The following DHX8 variants were observed in gnomAD, a reference collection of about 807,000 sequenced individuals.
DHX8 encodes ATP-dependent RNA helicase DHX8.
A neutral mutation model predicts 140.7 loss-of-function variants in DHX8; 67 were observed. That is an observed-to-expected ratio of 0.48 (90% CI 0.39 to 0.58). The LOEUF is 0.58. Among genes scored for constraint, DHX8 ranks in the 20% least tolerant of loss-of-function variants. The pLI, the probability that DHX8 is intolerant of heterozygous loss-of-function variation, is 0.00. For synonymous variants in DHX8, 533 were observed against 553.2 expected (o/e 0.96, Z 0.51); for missense variants, 887 against 1,550.7 (o/e 0.57, Z 7.19).
Position 43,525,390 on chromosome 17 carries a change from A to G in DHX8, c.*1543A>G, listed in dbSNP as rs75040397. The G allele has an allele frequency of 2.4e-3, 2,340 of 981,778 alleles. 37 individuals are homozygous for G. The African/African-American group carries it at 0.038, about 16-fold the overall frequency. The allele number at this position is 981,778 out of a possible 1,614,324, so 60.8% of individuals were successfully genotyped here. On this transcript the variant is annotated 3_prime_UTR_variant, in exon 23 of 23. Coordinates refer to ENST00000262415, the MANE Select transcript of DHX8 (RefSeq NM_004941.3). ...GCAAACCACACCCTAAAGACAATTC[A>G]GAAAGAGTCCGAGGGAGAGGAATAT...
chr17:43,495,089 C>T (rs1968778316), intron 8 of DHX8, among the ~76,000 whole-genome samples: 1 of 152,064 alleles, frequency 6.6e-6, no homozygotes, highest in Non-Finnish European at 1.5e-5. Context: ...GCTGGGATTA[C>T]AGGCGTGAGC....
intron 15 of DHX8, 99 bp from the exon 16 acceptor site, chr17:43,508,240 A>C: frequency 6.8e-7 from 1 of 1,466,138 alleles, no homozygotes; most frequent in Non-Finnish European, 9.2e-7. Context: ...ATGAATGCAT[A>C]TGTTCTGTTA....
At chr17:43,540,758 C>T (rs1347441549) in intron 3 of DHX8, among the ~76,000 whole-genome samples, 1 of 152,160 alleles carries the variant, frequency 6.6e-6, no homozygotes, top group South Asian at 2.1e-4. Flanking sequence ...CCACTGTGCC[C>T]TCTGGTCCAT....
chr17:43,533,076 A>T, intron 2 of DHX8: 1 of 1,503,840 alleles, frequency 6.6e-7, no homozygotes, highest in Admixed American at 2.0e-5. Context: ...CTCCCTTTCT[A>T]TTCCACTGCC....
rs1157615874 is a variant in DHX8, at chr17:43,517,290, A to C, written c.2767A>C (p.Thr923Pro). 6.2e-7 allele frequency: 1 copy of C among 1,614,146 alleles called. No homozygotes were observed. The highest frequency in any genetic ancestry group is 1.1e-5 in the South Asian group (1 of 91,060). The change falls in exon 18 of 23, where the codon ACC becomes CCC. Residue 923 changes from threonine to proline, a missense_variant. Thr to Pro is a conservative substitution (Grantham distance 38). This residue lies in a region of DHX8 where 151 missense variants were observed against 388.3 expected (regional missense o/e 0.39). Coordinates refer to ENST00000262415, the MANE Select transcript of DHX8 (RefSeq NM_004941.3). ...CACCAACGTGCCGGAAATCCAGAGAACCAACTTAGCAAGCACAGTGCTGTC... is the reference window on the plus strand; with the variant it reads ...CACCAACGTGCCGGAAATCCAGAGACCCAACTTAGCAAGCACAGTGCTGTC... ...LTTNVPEIQRTNLASTVLSLK... is the reference protein window; with the variant it reads ...LTTNVPEIQRPNLASTVLSLK...
chr17:43,528,324 T>G (rs1479699692), downstream of DHX8: 2 of 529,776 alleles, frequency 3.8e-6, no homozygotes, highest in Non-Finnish European at 6.7e-6. Flanking sequence ...GACTCTAGAC[T>G]TGCCATTTCT....
chr17:43,530,093 G>A (rs776031033), downstream of DHX8: 100 of 1,604,080 alleles, frequency 6.2e-5, 1 homozygote, highest in South Asian at 9.5e-4. Context: ...GCAGGGGAAG[G>A]GGGGCTGCCT....
chr17:43,490,627 C>T (rs1968457181), intron 3 of DHX8, 164 bp downstream of exon 3: 2 of 614,846 alleles, frequency 3.3e-6, no homozygotes. Flanking sequence ...AATCCCAGCA[C>T]TTTGGGAGGC....
downstream of DHX8, chr17:43,529,233 C>T (rs749495997): frequency 5.0e-6 from 8 of 1,613,844 alleles, no homozygotes; most frequent in East Asian, 4.5e-5. Flanking sequence ...CAGAGCCTGG[C>T]GACCTGGGAA....
intron 3 of DHX8, among the ~76,000 whole-genome samples, chr17:43,540,255 C>G (rs149638430): frequency 4.6e-4 from 70 of 152,266 alleles, no homozygotes; most frequent in African/African-American, 1.7e-3. Flanking sequence ...GAATTCTACA[C>G]CAGCCTGGCC....
intron 11 of DHX8, 113 bp from the exon 12 acceptor site, chr17:43,504,531 G>T: frequency 1.0e-6 from 1 of 999,044 alleles, no homozygotes; most frequent in Non-Finnish European, 1.5e-6. Context: ...TTTGATCACG[G>T]GTCGCTGAAT....
chr17:43,503,199 A>G (rs1969297026), intron 11 of DHX8, among the ~76,000 whole-genome samples: 1 of 151,862 alleles, frequency 6.6e-6, no homozygotes, highest in Admixed American at 6.6e-5. Flanking sequence ...CCTGTCTCTA[A>G]AAAAATACAA....
At position 43,508,332 on chromosome 17, in the gene DHX8, C is replaced by T. The variant is rs773486750; in HGVS notation, c.2321-7C>T. The T allele has an allele frequency of 1.9e-6, 3 of 1,608,982 alleles. No homozygotes were observed. In the South Asian group the frequency reaches 3.3e-5, roughly 18 times the overall value. On this transcript the variant is annotated splice_region_variant and splice_polypyrimidine_tract_variant and intron_variant, in intron 15 of 22. Transcript: ENST00000262415. Reference sequence around the variant, plus strand: ...GAAAGTAGATGAATGTTCTATTCTGCTCGTAGGTGATATCCTGGTCTTCCT... The same window carrying T: ...GAAAGTAGATGAATGTTCTATTCTGTTCGTAGGTGATATCCTGGTCTTCCT...
At chr17:43,533,329 G>T (rs1429673426) in intron 2 of DHX8, 6 of 1,613,620 alleles carry the variant, frequency 3.7e-6, no homozygotes, top group Non-Finnish European at 2.5e-6. Flanking sequence ...ATGGCGATTT[G>T]TCTGGGGGGG....
chr17:43,493,052 T>C lies in DHX8; in HGVS notation c.863+12T>C. The C allele has an allele frequency of 1.2e-6, 2 of 1,607,006 alleles. No individual in the cohort carries two copies. The highest frequency in any genetic ancestry group is 1.7e-6 in the Non-Finnish European group (2 of 1,174,360). On this transcript the variant is annotated intron_variant, in intron 6 of 22. Coordinates refer to ENST00000262415, the MANE Select transcript of DHX8 (RefSeq NM_004941.3). The stretch of plus-strand genomic sequence containing the variant: ...CTGGAAGGACTAAGGTAATGACTGG[T>C]GCTCTTTTGTTCACACCAGTGATGG...
At position 43,506,935 on chromosome 17, in the gene DHX8, T is replaced by G. The variant is rs770856009; in HGVS notation, c.1729-68T>G. On this transcript the variant is annotated intron_variant, in intron 12 of 22. Transcript: ENST00000262415. ...TAGATTTTAATGACCATATTTATAT[T>G]CTGTTTAATGACCATATTTATATTC... 219 of 1,226,796 alleles carry G rather than the reference T, an allele frequency of 1.8e-4. 2 individuals are homozygous for G. The highest frequency in any genetic ancestry group is 9.4e-5 in the Non-Finnish European group (84 of 891,088). The allele number at this position is 1,226,796 out of a possible 1,614,324, so 76.0% of individuals were successfully genotyped here.
chr17:43,506,919 A>G, intron 12 of DHX8, 84 bp from the exon 13 acceptor site: 1 of 1,066,168 alleles, frequency 9.4e-7, no homozygotes, highest in Non-Finnish European at 1.3e-6. Context: ...GTAGATTTTA[A>G]TGACCATATT....
intron 22 of DHX8, among the ~76,000 whole-genome samples, chr17:43,523,084 G>GA (rs1322518534): frequency 7.4e-6 from 1 of 135,304 alleles, no homozygotes; most frequent in Non-Finnish European, 1.6e-5. Flanking sequence ...AAAAAAGAAA[G>GA]AAAAAAACAA....
At chr17:43,526,256 G>A (rs1970612593), downstream of DHX8, 1 of 1,298,990 alleles carries the variant, frequency 7.7e-7, no homozygotes, top group East Asian at 3.2e-5. Flanking sequence ...GAGAGGATGT[G>A]GGTCTCATGC....
Sources: allele counts gnomAD v4.1 joint callset (sites outside exome capture counted in the v4.1 genomes callset), GRCh38; gene constraint gnomAD v4.1.1; regional missense constraint gnomAD v4.1.1; transcripts MANE v1.5; gene names NCBI Gene and HGNC (gene_info 2026-07-23, HGNC 2026-07-21).